B3GLCT: variants seen among roughly 807,000 people sequenced by gnomAD.
The protein encoded by B3GLCT is beta 3-glucosyltransferase, also known as beta-1,3-glucosyltransferase.
A neutral mutation model predicts 63.4 loss-of-function variants in B3GLCT; 65 were observed. The ratio of observed to expected loss-of-function variants is 1.03; its 90% CI spans 0.84 to 1.26. The LOEUF (loss-of-function observed/expected upper bound fraction) is 1.26. Among genes scored for constraint, B3GLCT ranks in the 50% most tolerant of loss-of-function variants. B3GLCT has a pLI of 0.00. For synonymous variants in B3GLCT, 233 were observed against 219.2 expected, an observed-to-expected ratio of 1.06 and a Z score of -0.55; for missense variants, 577 against 604.8, an observed-to-expected ratio of 0.95 and a Z score of 0.48.
intron 1 of B3GLCT, among the ~76,000 whole-genome samples, chr13:31,211,619 T>C (rs1869264185): frequency 6.6e-6 from 1 of 151,846 alleles, no homozygotes; most frequent in African/African-American, 2.4e-5. Flanking sequence ...ATATTTTAAC[T>C]CTAGGTCTAT....
intron 12 of B3GLCT, among the ~76,000 whole-genome samples, chr13:31,297,727 C>T (rs1449663623): frequency 1.3e-5 from 2 of 152,150 alleles, no homozygotes; most frequent in South Asian, 2.1e-4. Context: ...TAAGTCCAGG[C>T]GTCCAGAACT....
At position 31,274,246 on chromosome 13, in the gene B3GLCT, A is replaced by G. The variant is rs9543234; in HGVS notation, c.661-263A>G. 0.15 allele frequency among the ~76,000 whole-genome samples: 23,409 copies of G among 152,214 alleles called. 2,084 individuals carry two copies. Among genetic ancestry groups the G allele is most frequent in the Non-Finnish European group, 0.19 (13,023 of 67,990 alleles). Reference sequence around the variant, plus strand: ...GATGTTGTAGAATGTGTTCTTTCCTAAAACCGCATACTTCGGAATTTTTTG... The same window carrying G: ...GATGTTGTAGAATGTGTTCTTTCCTGAAACCGCATACTTCGGAATTTTTTG... On this transcript the variant is annotated intron_variant, in intron 8 of 14. Coordinates refer to ENST00000343307, the MANE Select transcript of B3GLCT (RefSeq NM_194318.4).
chr13:31,234,561 G>A lies in B3GLCT; in HGVS notation c.270+5267G>A, dbSNP rs1870552560. Among the ~76,000 whole-genome samples, 4 of 152,192 alleles carry A rather than the reference G, an allele frequency of 2.6e-5. No individual in the cohort carries two copies. In the South Asian group the frequency reaches 8.3e-4, roughly 31 times the overall value. Reference sequence around the variant, plus strand: ...AGGAGGACAGCAGGTAAGGTGGCCAGGTGAGAGGTGGAAGCACAGGTGTGT... The same window carrying A: ...AGGAGGACAGCAGGTAAGGTGGCCAAGTGAGAGGTGGAAGCACAGGTGTGT... On this transcript the variant is annotated intron_variant, in intron 4 of 14. Transcript: ENST00000343307.
chr13:31,201,744 A>AT (rs1187142828), intron 1 of B3GLCT, among the ~76,000 whole-genome samples: 2 of 152,146 alleles, frequency 1.3e-5, no homozygotes, highest in Non-Finnish European at 2.9e-5. Flanking sequence ...TGCTGTGTCT[A>AT]TTTTTTATTA....
chr13:31,204,236 G>A (rs1868824208), intron 1 of B3GLCT, among the ~76,000 whole-genome samples: 1 of 152,202 alleles, frequency 6.6e-6, no homozygotes, highest in Non-Finnish European at 1.5e-5. Context: ...GGGAACGTTT[G>A]TTGCTGTCTG....
At chr13:31,208,833 C>T (rs190924366) in intron 1 of B3GLCT, among the ~76,000 whole-genome samples, 20 of 152,204 alleles carry the variant, frequency 1.3e-4, no homozygotes, top group Admixed American at 4.6e-4. Flanking sequence ...AAAAACCTGA[C>T]TCCCCAATAC....
intron 7 of B3GLCT, among the ~76,000 whole-genome samples, chr13:31,262,185 A>T (rs1484186199): frequency 6.6e-6 from 1 of 152,222 alleles, no homozygotes; most frequent in African/African-American, 2.4e-5. Flanking sequence ...TCTGTGGTAC[A>T]AATCTGGGGG....
chr13:31,205,443 C>A (rs1347951593), intron 1 of B3GLCT, among the ~76,000 whole-genome samples: 3 of 151,972 alleles, frequency 2.0e-5, no homozygotes, highest in African/African-American at 4.8e-5. Context: ...TTTGTAGTCC[C>A]AGCTACTTAG....
At chr13:31,290,622 T>G (rs1439764567) in intron 12 of B3GLCT, among the ~76,000 whole-genome samples, 1 of 151,788 alleles carries the variant, frequency 6.6e-6, no homozygotes, top group African/African-American at 2.4e-5. Context: ...AGTGATGAGC[T>G]TTTTTTCATA....
chr13:31,221,818 A>G (rs2137076), intron 2 of B3GLCT, among the ~76,000 whole-genome samples: 146,211 of 152,280 alleles, frequency 0.96, 70,325 homozygotes, highest in East Asian at 1. Context: ...ATTTGCCACC[A>G]TCCCGTTGTC....
Position 31,323,964 on chromosome 13 carries a change from A to C in B3GLCT, c.1329+69A>C, listed in dbSNP as rs537178132. On this transcript the variant is annotated intron_variant, in intron 14 of 14. Coordinates refer to ENST00000343307, the MANE Select transcript of B3GLCT (RefSeq NM_194318.4). The stretch of plus-strand genomic sequence containing the variant: ...CAGATTCTTCTCACTTAAGGATTTG[A>C]CTTCTTTCTCTTCACATATTCGGGA... The C allele has an allele frequency of 3.5e-5, 55 of 1,571,578 alleles. No individual in the cohort carries two copies. The East Asian group carries it at 1.2e-3, about 34-fold the overall frequency.
At chr13:31,321,113 C>T (rs1039748277) in intron 13 of B3GLCT, among the ~76,000 whole-genome samples, 1 of 152,244 alleles carries the variant, frequency 6.6e-6, no homozygotes, top group Non-Finnish European at 1.5e-5. Flanking sequence ...CATAGGGACT[C>T]ATGTTTTTCA....
chr13:31,243,995 A>G (rs1200195308), intron 4 of B3GLCT, among the ~76,000 whole-genome samples: 1 of 152,186 alleles, frequency 6.6e-6, no homozygotes, highest in Non-Finnish European at 1.5e-5. Flanking sequence ...TATCGAGAGA[A>G]TTTTGAATTA....
At chr13:31,299,957 T>A (rs1448238521) in intron 12 of B3GLCT, among the ~76,000 whole-genome samples, 1 of 152,214 alleles carries the variant, frequency 6.6e-6, no homozygotes, top group East Asian at 1.9e-4. Context: ...TAAACACAAG[T>A]GTTTCTACCA....
chr13:31,206,023 G>T (rs558076880), intron 1 of B3GLCT, among the ~76,000 whole-genome samples: 2 of 152,106 alleles, frequency 1.3e-5, no homozygotes, highest in African/African-American at 2.4e-5. Context: ...ATTGCTTCCC[G>T]TAAGAAACTC....
At chr13:31,248,683 A>G (rs935097666) in intron 6 of B3GLCT, among the ~76,000 whole-genome samples, 1 of 152,244 alleles carries the variant, frequency 6.6e-6, no homozygotes, top group Non-Finnish European at 1.5e-5. Flanking sequence ...AGAGGAACTC[A>G]GTGAAGTCCA....
chr13:31,259,226 T>C (rs1018869943), intron 6 of B3GLCT, among the ~76,000 whole-genome samples: 3 of 152,242 alleles, frequency 2.0e-5, no homozygotes, highest in African/African-American at 7.2e-5. Context: ...GTTTTATCTG[T>C]GCATCTCCTT....
At chr13:31,311,222 A>G (rs1874688140) in intron 12 of B3GLCT, 1 of 152,258 alleles carries the variant, frequency 6.6e-6, no homozygotes, top group Non-Finnish European at 1.5e-5. Flanking sequence ...GTAAACCAAT[A>G]TATATGTATT....
chr13:31,302,072 C>A (rs1389962095), intron 12 of B3GLCT, among the ~76,000 whole-genome samples: 7 of 152,174 alleles, frequency 4.6e-5, no homozygotes, highest in African/African-American at 1.7e-4. Flanking sequence ...CTTTGACTCT[C>A]CCCTCTCCCC....
Sources: gnomAD v4.1 joint callset for allele counts (sites outside exome capture counted in the v4.1 genomes callset) on GRCh38, gnomAD v4.1.1 for gene constraint, MANE v1.5 for transcripts, NCBI Gene and HGNC (gene_info 2026-07-23, HGNC 2026-07-21) for gene names.